CCDC171: variants seen among roughly 807,000 people sequenced by gnomAD.
CCDC171 encodes the protein coiled-coil domain containing 171.
CCDC171 carries 177 observed loss-of-function variants against 168.2 expected under a neutral mutation model. The ratio of observed to expected loss-of-function variants is 1.05; its 90% CI spans 0.93 to 1.19. The LOEUF (loss-of-function observed/expected upper bound fraction) is 1.19, where lower values mean the gene tolerates loss of function less well. Ranked by LOEUF, CCDC171 falls within the 50% of genes most tolerant of loss-of-function variation. CCDC171 has a pLI of 0.00. For synonymous variants in CCDC171, 687 were observed against 540.8 expected, an observed-to-expected ratio of 1.27 and a Z score of -3.75; for missense variants, 1,991 against 1,539.0, an observed-to-expected ratio of 1.29 and a Z score of -4.91.
At chr9:15,847,112 T>G (rs1178544006) in intron 22 of CCDC171, among the ~76,000 whole-genome samples, 2 of 152,120 alleles carry the variant, frequency 1.3e-5, no homozygotes, top group African/African-American at 2.4e-5. Flanking sequence ...TGTTACATGT[T>G]AGAAACTATG....
Position 15,591,410 on chromosome 9 carries a change from G to A in CCDC171, c.397G>A (p.Ala133Thr), listed in dbSNP as rs745472030. ...AGCAAAGACAAATGAGACTGAGAAA[G>A]CATTTCAGACTTCTCAGCAAAAATG... The part of the protein sequence containing the change: ...LQAKTNETEK[A>T]FQTSQQKWKE... The change falls in exon 5 of 26, where the codon GCA (alanine) becomes ACA (threonine). Residue 133 changes from alanine to threonine, a missense_variant. Ala to Thr is a moderately conservative substitution (Grantham distance 58). Coordinates refer to ENST00000380701, the MANE Select transcript of CCDC171 (RefSeq NM_173550.4). The A allele has an allele frequency of 5.6e-6, 9 of 1,607,254 alleles. No individual in the cohort carries two copies. The African/African-American group carries it at 9.4e-5, about 17-fold the overall frequency.
At chr9:16,105,715 T>G in the CCDC171 span, among the ~76,000 whole-genome samples, 1 of 152,202 alleles carries the variant, frequency 6.6e-6, no homozygotes, top group Non-Finnish European at 1.5e-5. Context: ...CACCACTGTT[T>G]GGGTTTTTCT....
intron 7 of CCDC171, among the ~76,000 whole-genome samples, chr9:15,631,375 C>G (rs1160102527): frequency 6.6e-6 from 1 of 152,116 alleles, no homozygotes; most frequent in Non-Finnish European, 1.5e-5. Flanking sequence ...AAACTACCAT[C>G]AGAGAATAGT....
At chr9:15,947,509 A>G (rs180915893) in intron 25 of CCDC171, among the ~76,000 whole-genome samples, 4 of 152,146 alleles carry the variant, frequency 2.6e-5, no homozygotes, top group East Asian at 2.0e-4. Flanking sequence ...AGGTTAATAC[A>G]TGTTGTAGCA....
intron 21 of CCDC171, among the ~76,000 whole-genome samples, chr9:15,831,506 TATACTA>T (rs1323242649): frequency 1.3e-5 from 2 of 152,210 alleles, no homozygotes; most frequent in African/African-American, 4.8e-5. Context: ...GCATTGTAAT[TATACTA>T]ATAAACATCT....
chr9:15,947,512 T>C (rs986218047), intron 25 of CCDC171, among the ~76,000 whole-genome samples: 1 of 152,052 alleles, frequency 6.6e-6, no homozygotes, highest in Admixed American at 6.6e-5. Flanking sequence ...TTAATACATG[T>C]TGTAGCATAG....
At chr9:16,069,692 C>T in the CCDC171 span, among the ~76,000 whole-genome samples, 1 of 152,218 alleles carries the variant, frequency 6.6e-6, no homozygotes, top group Non-Finnish European at 1.5e-5. Flanking sequence ...TTGATTTTCA[C>T]AGTGAGAGGA....
chr9:15,842,304 T>C (rs2060712389), intron 21 of CCDC171, among the ~76,000 whole-genome samples: 1 of 152,062 alleles, frequency 6.6e-6, no homozygotes. Context: ...ACTGCTATAC[T>C]GTACCCTTAT....
chr9:15,840,208 T>G (rs1244555841), intron 21 of CCDC171, among the ~76,000 whole-genome samples: 1 of 152,134 alleles, frequency 6.6e-6, no homozygotes, highest in Non-Finnish European at 1.5e-5. Context: ...GTTTTTTATT[T>G]AAATATTAGA....
At chr9:15,599,478 C>T (rs983778229) in intron 6 of CCDC171, among the ~76,000 whole-genome samples, 7 of 152,240 alleles carry the variant, frequency 4.6e-5, no homozygotes, top group South Asian at 2.1e-4. Context: ...ATATTGGCCC[C>T]CACTCTCTCC....
chr9:16,086,500 G>T, the CCDC171 span, among the ~76,000 whole-genome samples: 1 of 151,924 alleles, frequency 6.6e-6, no homozygotes, highest in East Asian at 1.9e-4. Flanking sequence ...TAGAGATGGG[G>T]TTTCATCACA....
Position 15,666,229 on chromosome 9 carries a change from G to C in CCDC171, c.982G>C (p.Asp328His). The C allele has an allele frequency of 6.2e-7, 1 of 1,613,838 alleles. No individual in the cohort carries two copies. The highest frequency in any genetic ancestry group is 1.7e-4 in the Middle Eastern group (1 of 6,058). The change falls in exon 9 of 26, where the codon GAT becomes CAT. Residue 328 changes from aspartate to histidine, a missense_variant. Coordinates refer to ENST00000380701, the MANE Select transcript of CCDC171 (RefSeq NM_173550.4). ...GGCCAGTCAAGCAGAAGCTGTTGCT[G>C]ATTTGGAAATTATCAAGAATGAATT... ...EKASQAEAVA[D>H]LEIIKNEFKE... is the part of the protein sequence containing the mutation.
At chr9:15,823,830 A>T (rs548477776) in intron 21 of CCDC171, among the ~76,000 whole-genome samples, 2 of 152,272 alleles carry the variant, frequency 1.3e-5, no homozygotes, top group South Asian at 4.1e-4. Flanking sequence ...TGATAATGTG[A>T]TGTTTTCTTT....
At chr9:15,580,826 C>G (rs957034208) in intron 4 of CCDC171, among the ~76,000 whole-genome samples, 3 of 152,010 alleles carry the variant, frequency 2.0e-5, no homozygotes, top group Non-Finnish European at 2.9e-5. Context: ...TATGGAGATT[C>G]CTTAAAGAAC....
intron 24 of CCDC171, among the ~76,000 whole-genome samples, chr9:15,913,858 G>A (rs891356622): frequency 6.6e-6 from 1 of 152,118 alleles, no homozygotes; most frequent in Non-Finnish European, 1.5e-5. Context: ...TTTTGATACT[G>A]TTGCTTTCTG....
intron 6 of CCDC171, among the ~76,000 whole-genome samples, chr9:15,614,439 A>T (rs747764242): frequency 3.3e-5 from 5 of 152,312 alleles, no homozygotes; most frequent in South Asian, 2.1e-4. Flanking sequence ...CACTATTCTT[A>T]TTGAGATTCA....
chr9:16,080,456 C>T, the CCDC171 span, among the ~76,000 whole-genome samples: 4 of 152,104 alleles, frequency 2.6e-5, no homozygotes, highest in African/African-American at 9.7e-5. Flanking sequence ...TTTTCTACGT[C>T]TTTTTCTCTA....
the CCDC171 span, among the ~76,000 whole-genome samples, chr9:16,092,118 T>C: frequency 5.9e-5 from 9 of 152,188 alleles, no homozygotes; most frequent in Admixed American, 5.9e-4. Context: ...TGACACAACT[T>C]GGAAAAGCAA....
chr9:15,908,414 A>C (rs3008704), intron 24 of CCDC171, among the ~76,000 whole-genome samples: 60,651 of 151,064 alleles, frequency 0.4, 12,247 homozygotes, highest in Non-Finnish European at 0.43. Context: ...GAGAAAAAAC[A>C]AAACACTGCA....
Sources: gnomAD v4.1 joint callset for allele counts (sites outside exome capture counted in the v4.1 genomes callset) on GRCh38, gnomAD v4.1.1 for gene constraint, MANE v1.5 for transcripts, NCBI Gene and HGNC (gene_info 2026-07-23, HGNC 2026-07-21) for gene names.